Variants in PTPRO observed in about 807,000 individuals in gnomAD.
PTPRO encodes protein tyrosine phosphatase receptor type O, also known as receptor-type tyrosine-protein phosphatase O.
A neutral mutation model predicts 145.2 loss-of-function variants in PTPRO; 62 were observed. The observed-to-expected ratio is 0.43, with a 90% CI of 0.35 to 0.53. The LOEUF is 0.53. Among genes scored for constraint, PTPRO ranks in the 20% least tolerant of loss-of-function variants. PTPRO has a pLI of 0.01. For synonymous variants in PTPRO, 565 were observed against 514.7 expected (o/e 1.10, Z -1.32); for missense variants, 1,345 against 1,482.7 (o/e 0.91, Z 1.53).
chr12:15,405,608 C>CA (rs1939626152), intron 1 of PTPRO, among the ~76,000 whole-genome samples: 2 of 152,214 alleles, frequency 1.3e-5, no homozygotes, highest in African/African-American at 4.8e-5. Context: ...GAGAAGATAA[C>CA]AATATTACTC....
intron 1 of PTPRO, among the ~76,000 whole-genome samples, chr12:15,338,480 A>G (rs1240006198): frequency 6.6e-6 from 1 of 152,122 alleles, no homozygotes; most frequent in Non-Finnish European, 1.5e-5. Flanking sequence ...TGCAAACTCA[A>G]ATTTATTATG....
chr12:15,532,869 A>C (rs1280721950), intron 12 of PTPRO, among the ~76,000 whole-genome samples: 4 of 152,140 alleles, frequency 2.6e-5, no homozygotes, highest in Non-Finnish European at 5.9e-5. Flanking sequence ...CCTTTTTCCA[A>C]GCTTTACTAA....
At chr12:15,450,798 AAAC>A (rs1941025785) in intron 1 of PTPRO, among the ~76,000 whole-genome samples, 1 of 152,090 alleles carries the variant, frequency 6.6e-6, no homozygotes, top group Non-Finnish European at 1.5e-5. Context: ...TTAAATAAAA[AAAC>A]TACCAAGCCA....
intron 18 of PTPRO, 105 bp from the exon 19 acceptor site, chr12:15,569,312 C>A: frequency 9.3e-7 from 1 of 1,079,218 alleles, no homozygotes; most frequent in Non-Finnish European, 1.4e-6. Flanking sequence ...AGAAGTAAAA[C>A]TTCTATTTTC....
intron 6 of PTPRO, among the ~76,000 whole-genome samples, chr12:15,505,648 G>T (rs1591661895): frequency 6.6e-6 from 1 of 151,974 alleles, no homozygotes; most frequent in Non-Finnish European, 1.5e-5. Context: ...ATACTTCTTT[G>T]GTTTAAAAAA....
chr12:15,385,399 G>A (rs888788119), intron 1 of PTPRO, among the ~76,000 whole-genome samples: 6 of 152,132 alleles, frequency 3.9e-5, no homozygotes, highest in Non-Finnish European at 7.4e-5. Context: ...CAGGAAATCG[G>A]ACTGGAGATC....
At chr12:15,461,186 AC>A (rs1187041454) in intron 1 of PTPRO, among the ~76,000 whole-genome samples, 3 of 152,198 alleles carry the variant, frequency 2.0e-5, no homozygotes, top group African/African-American at 7.2e-5. Context: ...CTTTATCTTA[AC>A]CCAGACATTT....
chr12:15,551,826 C>A (rs577473778), intron 15 of PTPRO, among the ~76,000 whole-genome samples, 155 bp downstream of exon 15: 3 of 151,698 alleles, frequency 2.0e-5, no homozygotes, highest in Non-Finnish European at 4.4e-5. Context: ...AAATAGACTT[C>A]GAAACATTAT....
chr12:15,516,676 C>A, intron 8 of PTPRO, 87 bp from the exon 9 acceptor site: 1 of 1,192,050 alleles, frequency 8.4e-7, no homozygotes, highest in Non-Finnish European at 1.2e-6. Context: ...AGAGTGAAAA[C>A]TCGGGTCATT....
At chr12:15,412,992 C>T (rs1041891879) in intron 1 of PTPRO, among the ~76,000 whole-genome samples, 5 of 152,078 alleles carry the variant, frequency 3.3e-5, no homozygotes, top group Admixed American at 6.5e-5. Flanking sequence ...GGGGTTTCCC[C>T]ATGTTGGCCA....
At chr12:15,483,949 C>G (rs1472207532) in intron 1 of PTPRO, 25 bp from the exon 2 acceptor site, 3 of 1,608,394 alleles carry the variant, frequency 1.9e-6, no homozygotes, top group Non-Finnish European at 2.6e-6. Context: ...ACCTCCATCT[C>G]TTTTTATTCT....
chr12:15,435,772 A>T (rs906217056), intron 1 of PTPRO, among the ~76,000 whole-genome samples: 7 of 152,198 alleles, frequency 4.6e-5, no homozygotes, highest in Admixed American at 3.3e-4. Context: ...AGTACCATGG[A>T]TAGCAGAACA....
chr12:15,585,687 C>T (rs1272309588), intron 23 of PTPRO, among the ~76,000 whole-genome samples: 1 of 152,154 alleles, frequency 6.6e-6, no homozygotes, highest in Non-Finnish European at 1.5e-5. Flanking sequence ...TTCCCTCCTT[C>T]CCAGTTATGA....
intron 1 of PTPRO, among the ~76,000 whole-genome samples, chr12:15,409,354 T>C (rs1246079083): frequency 6.6e-6 from 1 of 152,082 alleles, no homozygotes; most frequent in Non-Finnish European, 1.5e-5. Flanking sequence ...TATGTGGAAG[T>C]TTTTCCTGAC....
chr12:15,381,971 T>C (rs979467649), intron 1 of PTPRO, among the ~76,000 whole-genome samples: 1 of 152,048 alleles, frequency 6.6e-6, no homozygotes, highest in African/African-American at 2.4e-5. Flanking sequence ...TGTGGAAGAT[T>C]ATCTGAGCAA....
At chr12:15,574,448 G>C (rs1270026362) in intron 19 of PTPRO, among the ~76,000 whole-genome samples, 1 of 152,162 alleles carries the variant, frequency 6.6e-6, no homozygotes, top group Non-Finnish European at 1.5e-5. Flanking sequence ...GTTTGATCAG[G>C]ATACTAGTAA....
chr12:15,484,884 T>G (rs1463247995), intron 2 of PTPRO, among the ~76,000 whole-genome samples: 1 of 152,138 alleles, frequency 6.6e-6, no homozygotes. Flanking sequence ...TTTTTTTCAC[T>G]TTACTCACTG....
Position 15,341,716 on chromosome 12 carries a change from T to G in PTPRO, c.75+18915T>G, listed in dbSNP as rs182607327. ...CTTGAATGTGCATATCTTCTGAGGT[T>G]TTTTAACAGCTATTAAATAAAATAT... On this transcript the variant is annotated intron_variant, in intron 1 of 26. Transcript: ENST00000281171. Among the ~76,000 whole-genome samples, 594 of 152,344 alleles carry G rather than the reference T, an allele frequency of 3.9e-3. 2 individuals carry two copies. Among genetic ancestry groups the G allele is most frequent in the Non-Finnish European group, 6.1e-3 (415 of 68,030 alleles).
chr12:15,476,804 T>C (rs76296188), intron 1 of PTPRO, among the ~76,000 whole-genome samples: 13 of 147,738 alleles, frequency 8.8e-5, no homozygotes, highest in Middle Eastern at 3.5e-3. Flanking sequence ...CTATGAGATA[T>C]CATCTCACAC....
Sources: gnomAD v4.1 joint callset for allele counts (sites outside exome capture counted in the v4.1 genomes callset) on GRCh38, gnomAD v4.1.1 for gene constraint, MANE v1.5 for transcripts, NCBI Gene and HGNC (gene_info 2026-07-23, HGNC 2026-07-21) for gene names.